The following PTPRM variants were observed in gnomAD, a reference collection of about 807,000 sequenced individuals.
The protein encoded by PTPRM is receptor-type tyrosine-protein phosphatase mu.
PTPRM carries 47 observed loss-of-function variants against 186.7 expected under a neutral mutation model. That is an observed-to-expected ratio of 0.25 (90% CI 0.20 to 0.32). PTPRM has a LOEUF of 0.32. PTPRM is among the 10% of genes least tolerant of loss of function. PTPRM has a pLI of 1.00. For missense variants in PTPRM, 1,494 were observed against 1,865.0 expected (o/e 0.80, Z 3.66); for synonymous variants, 668 against 674.9 (o/e 0.99, Z 0.16).
chr18:8,208,640 T>TTGGGA (rs2093961422), intron 14 of PTPRM, among the ~76,000 whole-genome samples: 1 of 152,042 alleles, frequency 6.6e-6, no homozygotes, highest in Non-Finnish European at 1.5e-5. Flanking sequence ...GCCTCCTGAG[T>TTGGGA]TGGGACCACA....
At chr18:7,751,695 A>G (rs921586560) in intron 1 of PTPRM, among the ~76,000 whole-genome samples, 5 of 152,200 alleles carry the variant, frequency 3.3e-5, no homozygotes, top group Non-Finnish European at 7.3e-5. Context: ...ACATCCTGAT[A>G]GAGAATTAAA....
intron 2 of PTPRM, among the ~76,000 whole-genome samples, chr18:7,862,134 TA>T (rs748763590): frequency 2.6e-5 from 4 of 152,164 alleles, no homozygotes; most frequent in Non-Finnish European, 5.9e-5. Context: ...ATGCATAACA[TA>T]AAATTTATAA....
At chr18:7,923,721 A>G (rs887571601) in intron 4 of PTPRM, among the ~76,000 whole-genome samples, 2 of 152,216 alleles carry the variant, frequency 1.3e-5, no homozygotes, top group Non-Finnish European at 2.9e-5. Flanking sequence ...TGGGAGCTGA[A>G]TTAGACAACT....
chr18:7,870,358 C>G (rs2047922813), intron 2 of PTPRM, among the ~76,000 whole-genome samples: 1 of 152,152 alleles, frequency 6.6e-6, no homozygotes, highest in African/African-American at 2.4e-5. Context: ...CTTTTGGCAA[C>G]TCAGTTTTCT....
chr18:8,254,136 A>G (rs776811118), intron 19 of PTPRM, among the ~76,000 whole-genome samples: 4 of 152,212 alleles, frequency 2.6e-5, no homozygotes, highest in Non-Finnish European at 5.9e-5. Context: ...GGGACTGGCT[A>G]TTGTCATGGC....
chr18:8,372,369 C>T (rs1598480750), intron 24 of PTPRM, among the ~76,000 whole-genome samples: 1 of 144,794 alleles, frequency 6.9e-6, no homozygotes, highest in East Asian at 1.9e-4. Context: ...CCACCGCGCC[C>T]GGCCTCCACT....
chr18:8,033,634 T>C (rs549748785), intron 7 of PTPRM, among the ~76,000 whole-genome samples: 19 of 152,340 alleles, frequency 1.2e-4, no homozygotes, highest in Admixed American at 6.5e-4. Context: ...TGTAATCTTA[T>C]GGGACCACTG....
chr18:7,617,671 T>G (rs1395007516), intron 1 of PTPRM, among the ~76,000 whole-genome samples: 1 of 152,186 alleles, frequency 6.6e-6, no homozygotes, highest in African/African-American at 2.4e-5. Flanking sequence ...GCTTAAACAC[T>G]GGTGTGTGTG....
Position 7,937,970 on chromosome 18 carries a change from T to G in PTPRM, c.664-11211T>G, listed in dbSNP as rs62090941. Among the ~76,000 whole-genome samples the G allele has an allele frequency of 8.0e-3, 1,225 of 152,318 alleles. 7 individuals carry two copies. Among genetic ancestry groups the G allele is most frequent in the South Asian group, 0.015 (71 of 4,824 alleles). ...CTTTGCTTTCTGGTGTGATGACATA[T>G]TCTAGGTGTATATTTTCCATTTTCT... On this transcript the variant is annotated intron_variant, in intron 5 of 32. Transcript: ENST00000580170.
intron 1 of PTPRM, among the ~76,000 whole-genome samples, chr18:7,772,443 C>CCCCT (rs1491408226): frequency 1.0e-4 from 8 of 78,436 alleles, no homozygotes; most frequent in Non-Finnish European, 1.7e-4. Context: ...CCTTCCCCTT[C>CCCCT]CCCTTCCTTC....
At chr18:7,984,950 T>C (rs1296706400) in intron 7 of PTPRM, among the ~76,000 whole-genome samples, 3 of 124,492 alleles carry the variant, frequency 2.4e-5, no homozygotes, top group African/African-American at 3.3e-5. Flanking sequence ...TATATATACA[T>C]ATATAATTAT....
chr18:8,089,017 C>T (rs545540298), intron 11 of PTPRM, among the ~76,000 whole-genome samples, 166 bp downstream of exon 11: 2 of 152,292 alleles, frequency 1.3e-5, no homozygotes, highest in East Asian at 3.9e-4. Flanking sequence ...AATGAAAGGG[C>T]TTTGATGTAA....
chr18:7,995,683 A>G (rs1305068277), intron 7 of PTPRM: 1 of 152,208 alleles, frequency 6.6e-6, no homozygotes, highest in African/African-American at 2.4e-5. Flanking sequence ...CTGAGCATGA[A>G]GCTGACTCTT....
At chr18:8,019,083 C>T (rs190852702) in intron 7 of PTPRM, among the ~76,000 whole-genome samples, 14 of 151,784 alleles carry the variant, frequency 9.2e-5, no homozygotes, top group Admixed American at 9.2e-4. Context: ...ATAAAAAGAG[C>T]AGCAGCAAAA....
At chr18:8,282,493 T>G (rs1265050386) in intron 19 of PTPRM, among the ~76,000 whole-genome samples, 1 of 152,074 alleles carries the variant, frequency 6.6e-6, no homozygotes, top group Non-Finnish European at 1.5e-5. Context: ...TGAAACCCTG[T>G]CTCTACTAAA....
At chr18:8,052,578 A>T (rs1231087105) in intron 7 of PTPRM, among the ~76,000 whole-genome samples, 1 of 152,200 alleles carries the variant, frequency 6.6e-6, no homozygotes, top group Non-Finnish European at 1.5e-5. Flanking sequence ...ATGTTCACAC[A>T]ATGAAATCAC....
intron 4 of PTPRM, among the ~76,000 whole-genome samples, chr18:7,922,941 G>A (rs552807347): frequency 6.6e-6 from 1 of 152,280 alleles, no homozygotes; most frequent in Non-Finnish European, 1.5e-5. Flanking sequence ...TGGTGCTATT[G>A]AGATTTTGGC....
intron 2 of PTPRM, among the ~76,000 whole-genome samples, chr18:7,835,735 A>G (rs2145779048): frequency 6.6e-6 from 1 of 152,184 alleles, no homozygotes; most frequent in Admixed American, 6.5e-5. Flanking sequence ...TTTTCTTTAT[A>G]TATCTGGGTA....
At chr18:7,835,954 T>C (rs936106907) in intron 2 of PTPRM, among the ~76,000 whole-genome samples, 2 of 152,260 alleles carry the variant, frequency 1.3e-5, no homozygotes, top group East Asian at 3.9e-4. Context: ...GGAATATCTT[T>C]TTCCATCCCT....
Sources: gnomAD v4.1 joint callset for allele counts (sites outside exome capture counted in the v4.1 genomes callset) on GRCh38, gnomAD v4.1.1 for gene constraint, MANE v1.5 for transcripts, NCBI Gene and HGNC (gene_info 2026-07-23, HGNC 2026-07-21) for gene names.